STXBP5L: variants seen among roughly 807,000 people sequenced by gnomAD.
STXBP5L encodes syntaxin-binding protein 5-like.
In STXBP5L, 65 loss-of-function variants were observed where a neutral mutation model predicts 144.5. The observed-to-expected ratio is 0.45, with a 90% CI of 0.37 to 0.55. The LOEUF (loss-of-function observed/expected upper bound fraction) is 0.55. Among genes scored for constraint, STXBP5L ranks in the 20% least tolerant of loss-of-function variants. The pLI, the probability that STXBP5L is intolerant of heterozygous loss-of-function variation, is 0.00. For missense variants in STXBP5L, 1,298 were observed against 1,405.5 expected (o/e 0.92, Z 1.22); for synonymous variants, 505 against 469.6 (o/e 1.08, Z -0.97).
chr3:121,334,693 A>G (rs998050949), intron 20 of STXBP5L, among the ~76,000 whole-genome samples: 5 of 152,226 alleles, frequency 3.3e-5, no homozygotes, highest in Non-Finnish European at 7.3e-5. Flanking sequence ...GACATATGCA[A>G]ATCAATAAAT....
intron 3 of STXBP5L, among the ~76,000 whole-genome samples, chr3:120,995,643 T>A (rs1046451061): frequency 6.6e-6 from 1 of 152,178 alleles, no homozygotes; most frequent in Non-Finnish European, 1.5e-5. Flanking sequence ...CATTTTTTTT[T>A]ACTCTTAGTG....
Position 121,388,770 on chromosome 3 carries a change from G to A in STXBP5L, c.2587+7238G>A, listed in dbSNP as rs1204236008. Among the ~76,000 whole-genome samples, 11 of 152,152 alleles carry A rather than the reference G, an allele frequency of 7.2e-5. 1 individual carries two copies. The highest frequency in any genetic ancestry group is 1.9e-4 in the East Asian group (1 of 5,202). On this transcript the variant is annotated intron_variant, in intron 22 of 26. Coordinates refer to ENST00000471454, the MANE Select transcript of STXBP5L (RefSeq NM_001308330.2). ...CTTGATCGTGGTGGATAAGCTTTTC[G>A]ATGTGCTGCTGGATTCGTTTGTCAG...
rs59336376 is a variant in STXBP5L at position 120,926,937 on chromosome 3, C to CTT, written c.189+17185_189+17186dup. Among the ~76,000 whole-genome samples the CTT allele has an allele frequency of 2.4e-3, 317 of 134,086 alleles. 3 individuals are homozygous for CTT. Among genetic ancestry groups the CTT allele is most frequent in the African/African-American group, 7.6e-3 (278 of 36,728 alleles). 88.0% of individuals were successfully genotyped at this position (134,086 alleles called of 152,430 possible). On this transcript the variant is annotated intron_variant, in intron 2 of 26. Transcript: ENST00000471454. ...TTTCTCTGATAAATTTCTTTCCTTT[C>CTT]TTTTTTTTTTTTTTTTGAGATGGAG...
intron 2 of STXBP5L, among the ~76,000 whole-genome samples, chr3:120,951,307 T>C (rs553601279): frequency 2.0e-5 from 3 of 152,076 alleles, no homozygotes; most frequent in East Asian, 1.9e-4. Flanking sequence ...ACAAATGCGA[T>C]CTAATTAAAC....
In STXBP5L at chr3:121,424,045, T is replaced by G. The variant is rs1466890646; in HGVS notation, c.*4948T>G. ...CAGTAAATTCAAGAGCATATAAAGC[T>G]AAGTGGAAAACTAATTCTTCATATT... On this transcript the variant is annotated 3_prime_UTR_variant, in exon 27 of 27. Transcript: ENST00000471454. The G allele has an allele frequency of 6.6e-6, 1 of 152,198 alleles. No individual in the cohort carries two copies. The highest frequency in any genetic ancestry group is 1.5e-5 in the Non-Finnish European group (1 of 68,026). The allele number at this position is 152,198 out of a possible 1,614,324, so 9.4% of individuals were successfully genotyped here. A position where few individuals can be genotyped will look rare whatever the true frequency, so the allele number is the denominator to read the frequency against.
chr3:120,999,691 A>G (rs922817151), intron 3 of STXBP5L, among the ~76,000 whole-genome samples: 5 of 152,004 alleles, frequency 3.3e-5, no homozygotes, highest in Non-Finnish European at 5.9e-5. Context: ...GTACTTACAT[A>G]TGTTTTTGTG....
Position 121,418,328 on chromosome 3 carries a change from T to C in STXBP5L, c.3227-9T>C. Reference sequence around the variant, plus strand: ...AAATGTTTTAAATTGCTATTGCATATATTCTCAGTTGGGGAAGCTTCGGCA... The same window carrying C: ...AAATGTTTTAAATTGCTATTGCATACATTCTCAGTTGGGGAAGCTTCGGCA... On this transcript the variant is annotated splice_polypyrimidine_tract_variant and intron_variant, in intron 25 of 26. Transcript: ENST00000471454. 1 of 1,611,392 alleles carries C rather than the reference T, an allele frequency of 6.2e-7. No individual in the cohort carries two copies. The highest frequency in any genetic ancestry group is 8.5e-7 in the Non-Finnish European group (1 of 1,178,514).
chr3:120,963,213 A>G (rs932730122), intron 3 of STXBP5L, among the ~76,000 whole-genome samples: 3 of 152,310 alleles, frequency 2.0e-5, no homozygotes, highest in African/African-American at 2.4e-5. Context: ...CAATCATGTC[A>G]TCTGCAAACA....
At chr3:121,352,572 G>A (rs572172220) in intron 20 of STXBP5L, among the ~76,000 whole-genome samples, 1 of 152,210 alleles carries the variant, frequency 6.6e-6, no homozygotes, top group East Asian at 1.9e-4. Flanking sequence ...ATCAGATAAG[G>A]AGATTTTGGG....
intron 18 of STXBP5L, among the ~76,000 whole-genome samples, chr3:121,261,631 C>T (rs2108393202): frequency 6.6e-6 from 1 of 152,228 alleles, no homozygotes; most frequent in African/African-American, 2.4e-5. Context: ...CAGTGTAGTT[C>T]ATCACATTAG....
chr3:120,926,526 C>T (rs1239200350), intron 2 of STXBP5L, among the ~76,000 whole-genome samples: 12 of 151,850 alleles, frequency 7.9e-5, no homozygotes, highest in Non-Finnish European at 4.4e-5. Flanking sequence ...TTGGGGTAGT[C>T]CTATTTGAGT....
At chr3:120,974,018 T>C (rs1346644230) in intron 3 of STXBP5L, among the ~76,000 whole-genome samples, 1 of 152,200 alleles carries the variant, frequency 6.6e-6, no homozygotes, top group Non-Finnish European at 1.5e-5. Flanking sequence ...GCATGTGTCT[T>C]TATAGCAGCA....
intron 2 of STXBP5L, among the ~76,000 whole-genome samples, chr3:120,930,928 A>G (rs545425404): frequency 2.0e-5 from 3 of 152,298 alleles, no homozygotes; most frequent in South Asian, 2.1e-4. Flanking sequence ...ATGTTTTTCT[A>G]TCTTTCTGCC....
chr3:121,265,222 A>C (rs927158466), intron 18 of STXBP5L, among the ~76,000 whole-genome samples: 2 of 152,210 alleles, frequency 1.3e-5, no homozygotes, highest in African/African-American at 4.8e-5. Flanking sequence ...CATAATTGGA[A>C]GTAAAACACT....
chr3:121,344,136 C>G (rs1012039366), intron 20 of STXBP5L, among the ~76,000 whole-genome samples: 4 of 151,922 alleles, frequency 2.6e-5, no homozygotes, highest in African/African-American at 9.7e-5. Context: ...CTGAGAAAAA[C>G]AAGCAATGGG....
At position 121,043,709 on chromosome 3, in the gene STXBP5L, AAAAC is replaced by A. The variant is rs146805882; in HGVS notation, c.370-1710_370-1707del. ...GGCAACAGAGCGAGACTCCATCTCA[AAAAC>A]AAACAAACAAACAAAAAAAGAATAC... On this transcript the variant is annotated intron_variant, in intron 4 of 26. Transcript: ENST00000471454. Among the ~76,000 whole-genome samples the A allele has an allele frequency of 1.0e-3, 158 of 152,030 alleles. No homozygotes were observed. The East Asian group carries it at 0.014, about 13-fold the overall frequency.
intron 20 of STXBP5L, among the ~76,000 whole-genome samples, chr3:121,350,792 C>A (rs1160334814): frequency 6.6e-6 from 1 of 152,244 alleles, no homozygotes; most frequent in South Asian, 2.1e-4. Context: ...TGTTCTCATG[C>A]CATGGTTTTC....
At chr3:121,012,238 T>C (rs955826203) in intron 3 of STXBP5L, among the ~76,000 whole-genome samples, 4 of 151,910 alleles carry the variant, frequency 2.6e-5, no homozygotes, top group Non-Finnish European at 4.4e-5. Context: ...ATTGCCTTTC[T>C]ACTTCTTGGT....
chr3:121,025,401 T>C (rs1156597669), intron 3 of STXBP5L, among the ~76,000 whole-genome samples: 2 of 152,068 alleles, frequency 1.3e-5, no homozygotes, highest in Non-Finnish European at 2.9e-5. Context: ...ACATTATATA[T>C]AAGTGGGTTT....
Sources: gnomAD v4.1 joint callset for allele counts (sites outside exome capture counted in the v4.1 genomes callset) on GRCh38, gnomAD v4.1.1 for gene constraint, MANE v1.5 for transcripts, NCBI Gene and HGNC (gene_info 2026-07-23, HGNC 2026-07-21) for gene names.